Variants in PLN observed in about 807,000 individuals in gnomAD.
PLN encodes the protein cardiac phospholamban.
Under a neutral mutation model 3.9 loss-of-function variants are expected in PLN, and 1 was observed. The ratio of observed to expected loss-of-function variants is 0.26; its 90% confidence interval spans 0.09 to 1.23. The LOEUF is 1.23. Ranked by LOEUF, PLN falls within the 50% of genes most tolerant of loss-of-function variation. PLN has a pLI of 0.48. For synonymous variants in PLN, 21 were observed against 20.5 expected, an observed-to-expected ratio of 1.02 and a Z score of -0.07; for missense variants, 59 against 62.7, an observed-to-expected ratio of 0.94 and a Z score of 0.20.
At chr6:118,555,258 C>T (rs960754559) in intron 1 of PLN, among the ~76,000 whole-genome samples, 4 of 151,850 alleles carry the variant, frequency 2.6e-5, no homozygotes, top group African/African-American at 7.3e-5. Flanking sequence ...GGTGAAACCC[C>T]GTCTCTACTA....
rs142282696 is a variant in PLN, at chr6:118,549,917, A to G, written c.-98+1525A>G. On this transcript the variant is annotated intron_variant, in intron 1 of 1. Coordinates refer to ENST00000357525, the MANE Select transcript of PLN (RefSeq NM_002667.5). Reference sequence around the variant, plus strand: ...GTTAACAGAAATTACAGTTACAGAGACTGCTAAAATTTCAAATATAATGTG... The same window carrying G: ...GTTAACAGAAATTACAGTTACAGAGGCTGCTAAAATTTCAAATATAATGTG... Among the ~76,000 whole-genome samples the G allele has an allele frequency of 1.4e-4, 21 of 152,040 alleles. No homozygotes were observed. In the East Asian group the frequency reaches 3.7e-3, roughly 26 times the overall value.
chr6:118,550,904 A>G (rs1418948385), intron 1 of PLN, among the ~76,000 whole-genome samples: 2 of 151,900 alleles, frequency 1.3e-5, no homozygotes, highest in Non-Finnish European at 2.9e-5. Flanking sequence ...CATTTTCAAA[A>G]CCAGAAATAT....
chr6:118,552,529 T>C (rs1562253348), intron 1 of PLN, among the ~76,000 whole-genome samples: 1 of 151,996 alleles, frequency 6.6e-6, no homozygotes, highest in Admixed American at 6.6e-5. Context: ...GGAGTTGATA[T>C]ATAGTAGCTT....
chr6:118,551,295 T>G (rs1249902395), intron 1 of PLN, among the ~76,000 whole-genome samples: 1 of 151,684 alleles, frequency 6.6e-6, no homozygotes, highest in Non-Finnish European at 1.5e-5. Context: ...TTTGAAAAGG[T>G]ACTCCATCTT....
At position 118,560,554 on chromosome 6, in the gene PLN, A is replaced by G. The variant is rs1387311367; in HGVS notation, c.*1474A>G. 1 of 167,012 alleles carries G rather than the reference A, an allele frequency of 6.0e-6. No individual in the cohort carries two copies. Among genetic ancestry groups the G allele is most frequent in the Non-Finnish European group, 1.5e-5 (1 of 68,096 alleles). 10.3% of individuals were successfully genotyped at this position (167,012 alleles called of 1,614,324 possible). On this transcript the variant is annotated 3_prime_UTR_variant, in exon 2 of 2. Transcript: ENST00000357525. ...GGAGTGGGGGAAAGAATATTCATGT[A>G]TAAGTGGACCCTTGCAATTCAAGCC...
intron 1 of PLN, among the ~76,000 whole-genome samples, chr6:118,552,109 C>T (rs1411147179): frequency 2.6e-5 from 4 of 151,920 alleles, no homozygotes; most frequent in Non-Finnish European, 5.9e-5. Context: ...GAAAAAACAT[C>T]CTAGAGTATA....
At chr6:118,549,775 G>A (rs972013258) in intron 1 of PLN, among the ~76,000 whole-genome samples, 4 of 151,680 alleles carry the variant, frequency 2.6e-5, no homozygotes, top group South Asian at 2.1e-4. Context: ...GGGTGTTCAC[G>A]AGTTATTTTA....
intron 1 of PLN, among the ~76,000 whole-genome samples, chr6:118,550,434 T>C (rs1392365224): frequency 2.0e-5 from 3 of 151,876 alleles, no homozygotes; most frequent in Admixed American, 2.0e-4. Context: ...AATTAGACAA[T>C]ATATTACCAA....
rs1562261966 is a variant in PLN, at chr6:118,560,966, C to T, written c.*1886C>T. On this transcript the variant is annotated 3_prime_UTR_variant, in exon 2 of 2. Coordinates refer to ENST00000357525, the MANE Select transcript of PLN (RefSeq NM_002667.5). ...AAAGAGTAGAGGATGTGTAATTAACCATATCTTCTAAAACATGGTTACTAA... is the reference window on the plus strand; with the variant it reads ...AAAGAGTAGAGGATGTGTAATTAACTATATCTTCTAAAACATGGTTACTAA... Among the ~76,000 whole-genome samples the T allele has an allele frequency of 6.6e-6, 1 of 152,060 alleles. No individual in the cohort carries two copies. The highest frequency in any genetic ancestry group is 1.5e-5 in the Non-Finnish European group (1 of 67,994).
intron 1 of PLN, among the ~76,000 whole-genome samples, chr6:118,556,065 G>A (rs533983843): frequency 9.2e-5 from 14 of 152,140 alleles, no homozygotes; most frequent in Admixed American, 5.2e-4. Flanking sequence ...TGAGCACTTA[G>A]GCCGGTTCAT....
intron 1 of PLN, among the ~76,000 whole-genome samples, chr6:118,556,306 T>C (rs1267029456): frequency 1.3e-5 from 2 of 152,136 alleles, no homozygotes; most frequent in East Asian, 1.9e-4. Context: ...AAAATACAGG[T>C]AGTTAATAAC....
At chr6:118,549,981 C>A (rs541599379) in intron 1 of PLN, among the ~76,000 whole-genome samples, 1 of 151,850 alleles carries the variant, frequency 6.6e-6, no homozygotes, top group South Asian at 2.1e-4. Flanking sequence ...TTCATCTATA[C>A]CTTAAGGTGC....
In PLN at chr6:118,561,701, T is replaced by A. The variant is rs184342468; in HGVS notation, c.*2621T>A. ...ATCAGAATCACTATATTAAAATGAA[T>A]GTTCTTGAAAACTCAGTGGGGCTGC... On this transcript the variant is annotated 3_prime_UTR_variant, in exon 2 of 2. Transcript: ENST00000357525. Among the ~76,000 whole-genome samples the A allele has an allele frequency of 9.2e-5, 14 of 152,282 alleles. No individual in the cohort carries two copies. The highest frequency in any genetic ancestry group is 1.6e-4 in the Non-Finnish European group (11 of 68,022).
chr6:118,558,513 G>C (rs908696616), intron 1 of PLN, among the ~76,000 whole-genome samples: 1 of 151,832 alleles, frequency 6.6e-6, no homozygotes, highest in African/African-American at 2.4e-5. Flanking sequence ...TAGTAAATTT[G>C]GGAGAAAAAG....
Position 118,560,631 on chromosome 6 carries a change from A to G in PLN, c.*1551A>G, listed in dbSNP as rs1371416562. 6.0e-6 allele frequency: 1 copy of G among 167,020 alleles called. No individual in the cohort carries two copies. The allele number at this position is 167,020 out of a possible 1,614,324, so 10.3% of individuals were successfully genotyped here. ...AGGATATAGCTATTTTTCTTCCTCTATCAACCAAATGGTAAGCATCTATTT... is the reference window on the plus strand; with the variant it reads ...AGGATATAGCTATTTTTCTTCCTCTGTCAACCAAATGGTAAGCATCTATTT... On this transcript the variant is annotated 3_prime_UTR_variant, in exon 2 of 2. Transcript: ENST00000357525.
In PLN at chr6:118,561,281, T is replaced by A. The variant is rs148118390; in HGVS notation, c.*2201T>A. Among the ~76,000 whole-genome samples, 3 of 152,326 alleles carry A rather than the reference T, an allele frequency of 2.0e-5. No homozygotes were observed. The highest frequency in any genetic ancestry group is 6.5e-5 in the Admixed American group (1 of 15,302). On this transcript the variant is annotated 3_prime_UTR_variant, in exon 2 of 2. Transcript: ENST00000357525. ...ACCAATACAGAAAGTATCCCTAGTCTTAAAAACAAGTGGAAAATTTGAACT... is the reference window on the plus strand; with the variant it reads ...ACCAATACAGAAAGTATCCCTAGTCATAAAAACAAGTGGAAAATTTGAACT...
intron 1 of PLN, among the ~76,000 whole-genome samples, chr6:118,555,642 T>C (rs1031410994): frequency 2.6e-5 from 4 of 152,186 alleles, no homozygotes; most frequent in African/African-American, 9.7e-5. Context: ...TTTAAGCTGC[T>C]ATGTCCCTTA....
intron 1 of PLN, among the ~76,000 whole-genome samples, chr6:118,554,928 C>A (rs1050152242): frequency 1.3e-5 from 2 of 152,154 alleles, no homozygotes; most frequent in Non-Finnish European, 2.9e-5. Flanking sequence ...CCAGTGTCAA[C>A]GTAGGGGATG....
At chr6:118,556,406 A>G (rs937058846) in intron 1 of PLN, among the ~76,000 whole-genome samples, 1 of 152,196 alleles carries the variant, frequency 6.6e-6, no homozygotes, top group Non-Finnish European at 1.5e-5. Context: ...GTCTCAAGCC[A>G]AAAATGCCCA....
Sources: allele counts gnomAD v4.1 joint callset (sites outside exome capture counted in the v4.1 genomes callset), GRCh38; gene constraint gnomAD v4.1.1; transcripts MANE v1.5; gene names NCBI Gene and HGNC (gene_info 2026-07-23, HGNC 2026-07-21).